Variants in GTF2H3 observed in about 807,000 individuals in gnomAD.
GTF2H3 encodes TFIIH basal transcription factor complex p34 subunit.
A neutral mutation model predicts 51.1 loss-of-function variants in GTF2H3; 42 were observed. The ratio of observed to expected loss-of-function variants is 0.82; its 90% CI spans 0.64 to 1.06. The LOEUF (loss-of-function observed/expected upper bound fraction) is 1.06. Among genes scored for constraint, GTF2H3 ranks in the 50% least tolerant of loss-of-function variants. The pLI is 0.00. For missense variants in GTF2H3, 326 were observed against 366.1 expected (o/e 0.89, Z 0.89); for synonymous variants, 123 against 123.8 (o/e 0.99, Z 0.04).
intron 4 of GTF2H3, chr12:123,649,530 C>T (rs1955494149): frequency 6.6e-6 from 1 of 152,266 alleles, no homozygotes; most frequent in African/African-American, 2.4e-5. Flanking sequence ...TTTTCTGACT[C>T]CTGTCTCCCC....
In GTF2H3 at chr12:123,660,154, C is replaced by T; in HGVS notation, c.858-12C>T. 6.2e-7 allele frequency: 1 copy of T among 1,608,982 alleles called. No homozygotes were observed. The highest frequency in any genetic ancestry group is 8.5e-7 in the Non-Finnish European group (1 of 1,178,200). On this transcript the variant is annotated splice_polypyrimidine_tract_variant and intron_variant, in intron 12 of 12. Transcript: ENST00000543341. The stretch of plus-strand genomic sequence containing the variant: ...AGAACATTAAAAAATGTTTTCCTCT[C>T]TGTAATTTCAGGACAGCCTTTAAAA...
chr12:123,656,032 G>A (rs1955582856), intron 9 of GTF2H3: 4 of 422,818 alleles, frequency 9.5e-6, no homozygotes, highest in South Asian at 5.6e-5. Flanking sequence ...CCGTTGGGCA[G>A]CACTAAAAGA....
chr12:123,640,370 C>T (rs1215820274), intron 2 of GTF2H3, among the ~76,000 whole-genome samples: 2 of 126,324 alleles, frequency 1.6e-5, no homozygotes, highest in Admixed American at 1.8e-4. Context: ...GAGTTTTGCT[C>T]TTGTTGCCCA....
chr12:123,654,193 T>C (rs1955554737), intron 7 of GTF2H3, among the ~76,000 whole-genome samples: 1 of 147,180 alleles, frequency 6.8e-6, no homozygotes, highest in Admixed American at 6.8e-5. Context: ...TTGGGGTGTG[T>C]TTGTGTGTTT....
intron 2 of GTF2H3, among the ~76,000 whole-genome samples, chr12:123,643,197 A>G (rs1282700972): frequency 6.6e-6 from 1 of 152,182 alleles, no homozygotes; most frequent in Non-Finnish European, 1.5e-5. Flanking sequence ...TCATTTTTCA[A>G]TTAGCTATGG....
rs752261369 is a variant in GTF2H3 at position 123,660,083 on chromosome 12, G to A, written c.857+1G>A. On this transcript the variant is annotated splice_donor_variant, in intron 12 of 12. Coordinates refer to ENST00000543341, the MANE Select transcript of GTF2H3 (RefSeq NM_001516.5). LOFTEE classifies it high-confidence loss of function. ...TCAGCCCCATTTGTACTACGTGCGA[G>A]TAAGTATCTTTGAGATTGTGTGGGT... The A allele has an allele frequency of 1.2e-6, 2 of 1,608,250 alleles. No individual in the cohort carries two copies. Among genetic ancestry groups the A allele is most frequent in the South Asian group, 2.2e-5 (2 of 89,246 alleles).
At chr12:123,650,719 A>G (rs1194299331) in intron 4 of GTF2H3, among the ~76,000 whole-genome samples, 1 of 152,190 alleles carries the variant, frequency 6.6e-6, no homozygotes, top group African/African-American at 2.4e-5. Context: ...TTCTGTACCC[A>G]TTAGACACTA....
At chr12:123,644,526 C>T (rs976740415) in intron 2 of GTF2H3, among the ~76,000 whole-genome samples, 3 of 151,878 alleles carry the variant, frequency 2.0e-5, no homozygotes, top group Admixed American at 6.6e-5. Flanking sequence ...ATTAGCTGGG[C>T]GAGGTAGCAC....
At chr12:123,643,730 A>C (rs1402586202) in intron 2 of GTF2H3, among the ~76,000 whole-genome samples, 1 of 152,098 alleles carries the variant, frequency 6.6e-6, no homozygotes, top group East Asian at 1.9e-4. Flanking sequence ...GGTTTTTTCC[A>C]GTTTGTAACT....
In GTF2H3 at chr12:123,641,538, TGTG is replaced by T. The variant is rs1234975601; in HGVS notation, c.93+2196_93+2198del. Among the ~76,000 whole-genome samples the T allele has an allele frequency of 6.8e-4, 95 of 139,358 alleles. 1 individual carries two copies. Among genetic ancestry groups the T allele is most frequent in the African/African-American group, 1.6e-3 (52 of 32,504 alleles). 91.4% of individuals were successfully genotyped at this position (139,358 alleles called of 152,430 possible). A position where few individuals can be genotyped will look rare whatever the true frequency, so the allele number is the denominator to read the frequency against. On this transcript the variant is annotated intron_variant, in intron 2 of 12. Transcript: ENST00000543341. ...ACGTGTCTGCCCCCGTTTTTTTTTT[TGTG>T]TGTTTTTTTTTTGAGACAGAGTCTC...
intron 1 of GTF2H3, among the ~76,000 whole-genome samples, chr12:123,636,507 G>A (rs1204732623): frequency 6.7e-6 from 1 of 149,190 alleles, no homozygotes; most frequent in Non-Finnish European, 1.5e-5. Flanking sequence ...CGGGCACGGC[G>A]GCACATGCCT....
intron 3 of GTF2H3, 117 bp downstream of exon 3, chr12:123,645,678 T>A: frequency 1.6e-6 from 1 of 621,566 alleles, no homozygotes; most frequent in Non-Finnish European, 2.9e-6. Flanking sequence ...TCTGTACCAG[T>A]GAACAGCCAC....
chr12:123,657,627 T>G (rs1955603819), intron 9 of GTF2H3, among the ~76,000 whole-genome samples: 1 of 152,256 alleles, frequency 6.6e-6, no homozygotes, highest in Non-Finnish European at 1.5e-5. Context: ...GAAATGATCA[T>G]AACCTATAAC....
Position 123,652,708 on chromosome 12 carries a change from C to T in GTF2H3, c.459C>T (p.Asp153=), listed in dbSNP as rs2135794043. ...TTTTCTGCTTTTTTCTCTTTGTAGACAATCAGGAAATGAAATCAAGGATAT... is the reference window on the plus strand; with the variant it reads ...TTTTCTGCTTTTTTCTCTTTGTAGATAATCAGGAAATGAAATCAAGGATAT... ...YIHRMNKEVK[D]NQEMKSRILV... The change falls in exon 7 of 13, where the codon GAC becomes GAT. Residue 153 remains aspartate, a splice_region_variant and synonymous_variant. Coordinates refer to ENST00000543341, the MANE Select transcript of GTF2H3 (RefSeq NM_001516.5). 1 of 1,521,488 alleles carries T rather than the reference C, an allele frequency of 6.6e-7. No individual in the cohort carries two copies. The highest frequency in any genetic ancestry group is 1.2e-5 in the South Asian group (1 of 82,526). 94.2% of individuals were successfully genotyped at this position (1,521,488 alleles called of 1,614,324 possible). A position where few individuals can be genotyped will look rare whatever the true frequency, so the allele number is the denominator to read the frequency against.
chr12:123,649,214 CA>C (rs906243688), intron 4 of GTF2H3: 3 of 151,632 alleles, frequency 2.0e-5, no homozygotes, highest in African/African-American at 7.3e-5. Context: ...TTGATCCACC[CA>C]ACTCGGCCTT....
chr12:123,649,305 ATT>A (rs1955490759), intron 4 of GTF2H3: 1 of 152,236 alleles, frequency 6.6e-6, no homozygotes, highest in South Asian at 2.1e-4. Context: ...CCTCAGCATT[ATT>A]GACATTTTGG....
chr12:123,639,444 T>C (rs1014520793), intron 2 of GTF2H3, 101 bp downstream of exon 2: 2 of 649,528 alleles, frequency 3.1e-6, no homozygotes, highest in African/African-American at 1.8e-5. Flanking sequence ...TTACATACTG[T>C]AATATTCAGC....
rs774994175 is a variant in GTF2H3 at position 123,655,818 on chromosome 12, C to T, written c.609C>T (p.Leu203=). The T allele has an allele frequency of 1.3e-6, 2 of 1,592,234 alleles. No homozygotes were observed. Among genetic ancestry groups the T allele is most frequent in the African/African-American group, 1.3e-5 (1 of 74,424 alleles). ...ACVLDSDSGL[L]QQACDITGGL... ...TTTTAGACTCCGACTCAGGGCTCCT[C>T]CAACAGGTATGTTTTAAAACCATGC... The change falls in exon 9 of 13, where the codon CTC becomes CTT. Residue 203 remains leucine (L), a synonymous_variant. Transcript: ENST00000543341.
At chr12:123,648,161 G>T (rs758539716) in intron 4 of GTF2H3, 35 bp downstream of exon 4, 12 of 1,473,512 alleles carry the variant, frequency 8.1e-6, no homozygotes. Flanking sequence ...TTTGCAAATA[G>T]TGTTGATTTT....
Sources: gnomAD v4.1 joint callset for allele counts (sites outside exome capture counted in the v4.1 genomes callset) on GRCh38, gnomAD v4.1.1 for gene constraint, MANE v1.5 for transcripts, NCBI Gene and HGNC (gene_info 2026-07-23, HGNC 2026-07-21) for gene names.